The following SH3BP5 variants were observed in gnomAD, a reference collection of about 807,000 sequenced individuals.
SH3BP5 encodes SH3 domain binding protein 5.
A neutral mutation model predicts 43.3 loss-of-function variants in SH3BP5; 22 were observed. The ratio of observed to expected loss-of-function variants is 0.51; its 90% CI spans 0.36 to 0.73. SH3BP5 has a LOEUF of 0.73. Ranked by LOEUF, SH3BP5 falls within the 30% of genes least tolerant of loss-of-function variation. SH3BP5 has a pLI of 0.00. For missense variants in SH3BP5, 529 were observed against 586.9 expected, an observed-to-expected ratio of 0.90 and a Z score of 1.02; for synonymous variants, 255 against 225.8, an observed-to-expected ratio of 1.13 and a Z score of -1.16.
Position 15,255,350 on chromosome 3 carries a change from G to A in SH3BP5, c.*736C>T, listed in dbSNP as rs1311259014. On this transcript the variant is annotated 3_prime_UTR_variant, in exon 9 of 9. Coordinates refer to ENST00000383791, the MANE Select transcript of SH3BP5 (RefSeq NM_004844.5). ...TAAATCCCCTTGGCTGGCAGGATAA[G>A]GCTTATGCTGTAGAACCTTCTCCCC... The A allele has an allele frequency of 6.6e-6, 1 of 152,470 alleles. No homozygotes were observed. Among genetic ancestry groups the A allele is most frequent in the East Asian group, 1.9e-4 (1 of 5,200 alleles). The allele number at this position is 152,470 out of a possible 1,614,324, so 9.4% of individuals were successfully genotyped here. A position where few individuals can be genotyped will look rare whatever the true frequency, so the allele number is the denominator to read the frequency against.
At chr3:15,322,767 C>A (rs922249708) in intron 2 of SH3BP5, among the ~76,000 whole-genome samples, 1 of 151,922 alleles carries the variant, frequency 6.6e-6, no homozygotes, top group Non-Finnish European at 1.5e-5. Flanking sequence ...CCCAGGAGTT[C>A]GAGGCTCCAG....
At position 15,290,218 on chromosome 3, in the gene SH3BP5, C is replaced by A. The variant is rs181879076; in HGVS notation, c.330+13885G>T. 8.4e-3 allele frequency among the ~76,000 whole-genome samples: 1,277 copies of A among 152,032 alleles called. 19 individuals are homozygous for A. Among genetic ancestry groups the A allele is most frequent in the African/African-American group, 0.028 (1,141 of 41,460 alleles). Reference sequence around the variant, plus strand: ...GACCAGCCTGGCCAACATGACAAAACCCCGTCTCTTCTAAAAATACAAAAA... The same window carrying A: ...GACCAGCCTGGCCAACATGACAAAAACCCGTCTCTTCTAAAAATACAAAAA... On this transcript the variant is annotated intron_variant, in intron 3 of 8. Coordinates refer to ENST00000383791, the MANE Select transcript of SH3BP5 (RefSeq NM_004844.5).
At chr3:15,263,282 GGCCAAATA>G in intron 4 of SH3BP5, among the ~76,000 whole-genome samples, 1 of 152,276 alleles carries the variant, frequency 6.6e-6, no homozygotes, top group Non-Finnish European at 1.5e-5. Context: ...GCAGGCAAAT[GGCCAAATA>G]GCAGCAGTGG....
intron 7 of SH3BP5, 26 bp from the exon 8 acceptor site, chr3:15,257,139 C>T (rs1463432710): frequency 6.2e-7 from 1 of 1,605,680 alleles, no homozygotes; most frequent in Admixed American, 1.7e-5. Context: ...ACACCAGTCA[C>T]ATGGGTTCTG....
chr3:15,257,224 A>G (rs528417122), intron 7 of SH3BP5, 111 bp from the exon 8 acceptor site: 1 of 1,128,660 alleles, frequency 8.9e-7, no homozygotes, highest in African/African-American at 1.6e-5. Context: ...AAGAGTCTCT[A>G]CCTCTGTGAG....
chr3:15,306,948 C>T (rs1697926737), intron 2 of SH3BP5, among the ~76,000 whole-genome samples: 2 of 152,278 alleles, frequency 1.3e-5, no homozygotes. Flanking sequence ...GCTGGGATTA[C>T]AGGTGTGAGC....
chr3:15,330,478 A>C, intron 2 of SH3BP5, 26 bp downstream of exon 2: 1 of 1,599,898 alleles, frequency 6.3e-7, no homozygotes, highest in South Asian at 1.1e-5. Flanking sequence ...TCACTTCACC[A>C]AGAACAGGAA....
chr3:15,322,224 G>A (rs2125135752), intron 2 of SH3BP5, among the ~76,000 whole-genome samples: 1 of 151,846 alleles, frequency 6.6e-6, no homozygotes. Context: ...TAATAACTAT[G>A]TTAGGCCTGT....
At chr3:15,332,643 C>T, upstream of SH3BP5, 1 of 1,164,018 alleles carries the variant, frequency 8.6e-7, no homozygotes. Flanking sequence ...GCCCGCTCCG[C>T]CCCCGTCCCG....
intron 5 of SH3BP5, among the ~76,000 whole-genome samples, chr3:15,261,116 C>T (rs559558572): frequency 6.6e-6 from 1 of 152,310 alleles, no homozygotes; most frequent in East Asian, 1.9e-4. Context: ...CACCTCCTGC[C>T]TCCCCTGCAG....
intron 7 of SH3BP5, 68 bp downstream of exon 7, chr3:15,258,763 G>T: frequency 7.1e-7 from 1 of 1,403,296 alleles, no homozygotes; most frequent in Non-Finnish European, 1.0e-6. Context: ...CAGAGAAAGT[G>T]AGGACCTTGG....
At chr3:15,303,722 C>A (rs1046813974) in intron 3 of SH3BP5, among the ~76,000 whole-genome samples, 1 of 151,958 alleles carries the variant, frequency 6.6e-6, no homozygotes, top group Non-Finnish European at 1.5e-5. Context: ...GAAGAAGAAC[C>A]GATGTTTCAA....
chr3:15,297,797 G>A, intron 3 of SH3BP5, among the ~76,000 whole-genome samples: 1 of 152,066 alleles, frequency 6.6e-6, no homozygotes, highest in East Asian at 1.9e-4. Context: ...TAAGGCCAAG[G>A]TCAGCCAGCC....
chr3:15,305,293 A>G (rs1462632695), intron 2 of SH3BP5, among the ~76,000 whole-genome samples: 2 of 152,206 alleles, frequency 1.3e-5, no homozygotes, highest in African/African-American at 4.8e-5. Context: ...CCAAACCTCT[A>G]TCTGGGGAAG....
At chr3:15,257,218 G>A (rs981997910) in intron 7 of SH3BP5, 105 bp from the exon 8 acceptor site, 39 of 1,179,406 alleles carry the variant, frequency 3.3e-5, no homozygotes, top group Non-Finnish European at 4.1e-5. Flanking sequence ...GGACTAAAGA[G>A]TCTCTACCTC....
chr3:15,256,610 G>A, intron 8 of SH3BP5: 1 of 597,122 alleles, frequency 1.7e-6, no homozygotes, highest in South Asian at 2.2e-5. Flanking sequence ...TGCTTGCCAA[G>A]GAGACTGTTC....
intron 3 of SH3BP5, among the ~76,000 whole-genome samples, chr3:15,297,339 C>A (rs997158168): frequency 6.6e-6 from 1 of 152,272 alleles, no homozygotes; most frequent in South Asian, 2.1e-4. Context: ...TCTTCCATAG[C>A]CCCCTCCCAG....
intron 2 of SH3BP5, among the ~76,000 whole-genome samples, chr3:15,307,836 C>T (rs976721618): frequency 2.6e-5 from 4 of 152,358 alleles, no homozygotes; most frequent in East Asian, 1.9e-4. Context: ...AGTGAGAAAA[C>T]GGAGGGCCAG....
intron 3 of SH3BP5, among the ~76,000 whole-genome samples, chr3:15,291,464 C>T (rs1288079237): frequency 6.6e-6 from 1 of 152,038 alleles, no homozygotes; most frequent in Non-Finnish European, 1.5e-5. Flanking sequence ...ATTTTTTTAG[C>T]TTATGTACCA....
Sources: gnomAD v4.1 joint callset for allele counts (sites outside exome capture counted in the v4.1 genomes callset) on GRCh38, gnomAD v4.1.1 for gene constraint, MANE v1.5 for transcripts, NCBI Gene and HGNC (gene_info 2026-07-23, HGNC 2026-07-21) for gene names.